Variants in SYNE1 observed in about 807,000 individuals in gnomAD.
SYNE1 encodes nesprin-1.
A neutral mutation model predicts 1,111.0 loss-of-function variants in SYNE1; 616 were observed. The observed-to-expected ratio is 0.55, with a 90% confidence interval of 0.52 to 0.59. SYNE1 has a LOEUF of 0.59. SYNE1 is among the 20% of genes least tolerant of loss of function. SYNE1 has a pLI of 0.00. For missense variants in SYNE1, 10,006 were observed against 10,417.0 expected (o/e 0.96, Z 1.72); for synonymous variants, 3,855 against 3,825.8 (o/e 1.01, Z -0.28).
Position 152,220,983 on chromosome 6 carries a change from A to C in SYNE1, c.21720T>G (p.Leu7240=), listed in dbSNP as rs1216642509. The C allele has an allele frequency of 6.2e-7, 1 of 1,614,158 alleles. No individual in the cohort carries two copies. Among genetic ancestry groups the C allele is most frequent in the Non-Finnish European group, 8.5e-7 (1 of 1,180,002 alleles). ...QLQSSKALLQ[L]WQRYKDYSKQ... ...TGGAGTAGTCCTTGTATCTTTGCCA[A>C]AGCTGAAGTAGGGCCTTGCTGGACT... Residue 7240 remains leucine (L), a synonymous_variant, in exon 119 of 146, where the codon CTT becomes CTG. Transcript: ENST00000367255.
At chr6:152,459,203 A>C (rs1365023983) in intron 21 of SYNE1, among the ~76,000 whole-genome samples, 1 of 152,152 alleles carries the variant, frequency 6.6e-6, no homozygotes, top group Non-Finnish European at 1.5e-5. Flanking sequence ...TTTCTCATCT[A>C]AATGATTGTT....
At chr6:152,349,844 A>G (rs1022823580) in intron 72 of SYNE1, among the ~76,000 whole-genome samples, 4 of 151,978 alleles carry the variant, frequency 2.6e-5, no homozygotes, top group African/African-American at 9.7e-5. Flanking sequence ...TAAAAAGGGG[A>G]GTTTCCCTGG....
At chr6:152,360,425 T>C (rs1213468671) in intron 64 of SYNE1, among the ~76,000 whole-genome samples, 1 of 152,200 alleles carries the variant, frequency 6.6e-6, no homozygotes, top group African/African-American at 2.4e-5. Context: ...CTGGCTTAAA[T>C]TCTTTAGTGC....
At chr6:152,300,857 C>T in intron 92 of SYNE1, 76 bp from the exon 93 acceptor site, 3 of 1,604,984 alleles carry the variant, frequency 1.9e-6, no homozygotes, top group Non-Finnish European at 2.6e-6. Context: ...CAGGCACAGG[C>T]CAAAACAGAG....
intron 93 of SYNE1, among the ~76,000 whole-genome samples, chr6:152,297,997 T>C (rs1305005764): frequency 1.3e-5 from 2 of 152,194 alleles, no homozygotes; most frequent in Non-Finnish European, 2.9e-5. Flanking sequence ...AGTCAATACT[T>C]GATGTAGTGA....
Position 152,416,823 on chromosome 6 carries a change from C to G in SYNE1, c.5614G>C (p.Glu1872Gln), listed in dbSNP as rs2098161920. The stretch of plus-strand genomic sequence containing the variant: ...AGAGAGGCATGGCTCTGGAGGAATT[C>G]TGCCAAATGGGACAGGGCAAGCTGC... ...RRQLALSHLA[E>Q]FLQSHASLSG... is the part of the protein sequence containing the mutation. The change falls in exon 41 of 146, where the codon GAA becomes CAA. Residue 1872 changes from glutamate (E) to glutamine (Q), a missense_variant. By Grantham distance (29) the Glu-to-Gln change is conservative. Coordinates refer to ENST00000367255, the MANE Select transcript of SYNE1 (RefSeq NM_182961.4). 1.2e-6 allele frequency: 2 copies of G among 1,614,206 alleles called. No individual in the cohort carries two copies. The highest frequency in any genetic ancestry group is 1.7e-6 in the Non-Finnish European group (2 of 1,180,046).
chr6:152,341,851 A>G (rs571672559), intron 74 of SYNE1, among the ~76,000 whole-genome samples: 10 of 152,340 alleles, frequency 6.6e-5, no homozygotes, highest in African/African-American at 2.4e-4. Context: ...GAAGGACATG[A>G]CATTATTTGA....
At chr6:152,367,611 A>C in intron 61 of SYNE1, 1 of 559,820 alleles carries the variant, frequency 1.8e-6, no homozygotes, top group Non-Finnish European at 3.2e-6. Context: ...ATGCCTCTCC[A>C]ATTCTTTATG....
Position 152,249,151 on chromosome 6 carries a change from C to A in SYNE1, c.19572+10G>T. 4 of 1,574,910 alleles carry A rather than the reference C, an allele frequency of 2.5e-6. No individual in the cohort carries two copies. Among genetic ancestry groups the A allele is most frequent in the Non-Finnish European group, 3.5e-6 (4 of 1,144,376 alleles). On this transcript the variant is annotated intron_variant, in intron 105 of 145. Transcript: ENST00000367255. ...CATTTTCTCTTCTAGGAAAAGGCAGCTATAAATACCTCTATTTGTTCTGCT... is the reference window on the plus strand; with the variant it reads ...CATTTTCTCTTCTAGGAAAAGGCAGATATAAATACCTCTATTTGTTCTGCT...
intron 4 of SYNE1, among the ~76,000 whole-genome samples, chr6:152,532,995 G>T (rs1245753947): frequency 1.3e-5 from 2 of 152,114 alleles, no homozygotes; most frequent in Non-Finnish European, 2.9e-5. Flanking sequence ...GTATCAAAAT[G>T]CCAAAGTATC....
chr6:152,493,372 C>T (rs1564433242), intron 11 of SYNE1, among the ~76,000 whole-genome samples: 1 of 152,178 alleles, frequency 6.6e-6, no homozygotes. Flanking sequence ...GCTTTCTTTG[C>T]TATTCCTTTA....
chr6:152,362,375 C>A, intron 63 of SYNE1, 52 bp from the exon 64 acceptor site: 13 of 1,611,892 alleles, frequency 8.1e-6, no homozygotes, highest in Non-Finnish European at 1.1e-5. Flanking sequence ...CCTTAGGAGT[C>A]TAAAATGTCA....
At chr6:152,176,294 G>A (rs1269132302) in intron 130 of SYNE1, 100 bp downstream of exon 130, 1 of 1,520,312 alleles carries the variant, frequency 6.6e-7, no homozygotes, top group Admixed American at 1.7e-5. Flanking sequence ...AACCCAGGAA[G>A]AGAGACTGAT....
chr6:152,470,841 G>C (rs1406682943), intron 16 of SYNE1, among the ~76,000 whole-genome samples: 1 of 152,106 alleles, frequency 6.6e-6, no homozygotes, highest in Admixed American at 6.5e-5. Context: ...AATTTTATGA[G>C]CAAATTTGCA....
intron 3 of SYNE1, among the ~76,000 whole-genome samples, chr6:152,606,844 T>C (rs1352097196): frequency 6.6e-6 from 1 of 150,616 alleles, no homozygotes; most frequent in African/African-American, 2.4e-5. Context: ...TTAGTAGAGA[T>C]GGGGTTTCAC....
chr6:152,241,140 T>C (rs1268089777), intron 107 of SYNE1, among the ~76,000 whole-genome samples: 1 of 152,238 alleles, frequency 6.6e-6, no homozygotes, highest in Non-Finnish European at 1.5e-5. Flanking sequence ...TTTATACTCA[T>C]TGATCCTAGT....
chr6:152,206,510 T>C (rs955780875), intron 125 of SYNE1, 148 bp from the exon 126 acceptor site: 5 of 794,068 alleles, frequency 6.3e-6, no homozygotes, highest in Admixed American at 4.7e-5. Flanking sequence ...CACCAGTGAA[T>C]AAATGAGTGA....
At chr6:152,605,734 T>C (rs535614520) in intron 3 of SYNE1, among the ~76,000 whole-genome samples, 2 of 152,234 alleles carry the variant, frequency 1.3e-5, no homozygotes, top group Non-Finnish European at 2.9e-5. Context: ...GCTCTTTTTA[T>C]AGAAACAATT....
rs1231095047 is a variant in SYNE1 at position 152,569,935 on chromosome 6, T to A, written c.68-29914A>T. On this transcript the variant is annotated intron_variant, in intron 3 of 145. Transcript: ENST00000367255. ...CACCTTTATTAAATTACAGGTGATC[T>A]GAATACGATCTTAGCCTGTCATTAA... Among the ~76,000 whole-genome samples the A allele has an allele frequency of 2.0e-5, 3 of 152,228 alleles. No homozygotes were observed. The East Asian group carries it at 5.8e-4, about 29-fold the overall frequency.
Sources: gnomAD v4.1 joint callset for allele counts (sites outside exome capture counted in the v4.1 genomes callset) on GRCh38, gnomAD v4.1.1 for gene constraint, MANE v1.5 for transcripts, NCBI Gene and HGNC (gene_info 2026-07-23, HGNC 2026-07-21) for gene names.